HECW1: variants seen among roughly 807,000 people sequenced by gnomAD.
HECW1 encodes the protein HECT, C2 and WW domain containing E3 ubiquitin protein ligase 1.
A neutral mutation model predicts 182.3 loss-of-function variants in HECW1; 61 were observed. The ratio of observed to expected loss-of-function variants is 0.33; its 90% CI spans 0.27 to 0.41. The LOEUF (loss-of-function observed/expected upper bound fraction) is 0.41. HECW1 is among the 10% of genes least tolerant of loss of function. The pLI is 1.00. For synonymous variants in HECW1, 859 were observed against 832.6 expected (o/e 1.03, Z -0.55); for missense variants, 1,739 against 2,108.9 (o/e 0.82, Z 3.44).
intron 2 of HECW1, among the ~76,000 whole-genome samples, chr7:43,183,235 C>T (rs1203546700): frequency 6.6e-6 from 1 of 152,138 alleles, no homozygotes; most frequent in Admixed American, 6.5e-5. Context: ...GTCTCATAAA[C>T]CTTTCCCCTG....
chr7:43,265,664 A>G (rs1251173539), intron 3 of HECW1, among the ~76,000 whole-genome samples: 1 of 152,184 alleles, frequency 6.6e-6, no homozygotes, highest in African/African-American at 2.4e-5. Flanking sequence ...TGGGTATCCA[A>G]CAATTCAAAT....
intron 3 of HECW1, among the ~76,000 whole-genome samples, chr7:43,258,992 A>G (rs1299486743): frequency 1.3e-5 from 2 of 152,102 alleles, no homozygotes; most frequent in East Asian, 3.9e-4. Flanking sequence ...AATATGAATG[A>G]TCTCTTTTAC....
chr7:43,393,527 A>AT (rs2075119260), intron 6 of HECW1, among the ~76,000 whole-genome samples: 1 of 152,150 alleles, frequency 6.6e-6, no homozygotes, highest in Admixed American at 6.5e-5. Flanking sequence ...CATTCCCTCC[A>AT]TTTTTGTATC....
chr7:43,368,517 A>C (rs777304433), intron 6 of HECW1, among the ~76,000 whole-genome samples: 14 of 152,238 alleles, frequency 9.2e-5, no homozygotes, highest in Non-Finnish European at 1.3e-4. Context: ...GCAAGGCATC[A>C]GGTGGACTTG....
rs764819634 is a variant in HECW1 at position 43,360,968 on chromosome 7, C to T, written c.543C>T (p.Asn181=). The T allele has an allele frequency of 4.3e-6, 7 of 1,610,040 alleles. No homozygotes were observed. The highest frequency in any genetic ancestry group is 5.1e-6 in the Non-Finnish European group (6 of 1,177,786). The change falls in exon 6 of 30, where the codon AAC becomes AAT. Residue 181 remains asparagine (N), a synonymous_variant. Coordinates refer to ENST00000395891, the MANE Select transcript of HECW1 (RefSeq NM_015052.5). ...RATTPSVTVK[N]SAAPIFKSIG... is the part of the protein sequence containing the mutation. ...CCACCCCCAGTGTCACGGTCAAAAA[C>T]TCGGCAGCTCCTGTAAGTCTCATTT... is the stretch of plus-strand genomic sequence containing the variant.
chr7:43,541,110 T>C, intron 24 of HECW1, 53 bp from the exon 25 acceptor site: 7 of 1,375,766 alleles, frequency 5.1e-6, no homozygotes, highest in Non-Finnish European at 6.2e-6. Context: ...AACTAAAATA[T>C]TTAACAATGT....
intron 21 of HECW1, among the ~76,000 whole-genome samples, chr7:43,502,397 G>A (rs1338262484): frequency 2.6e-5 from 4 of 152,134 alleles, no homozygotes; most frequent in Non-Finnish European, 5.9e-5. Context: ...TGGCTAACCC[G>A]CGTAATCCCA....
At chr7:43,182,489 G>T (rs1195118023) in intron 2 of HECW1, among the ~76,000 whole-genome samples, 1 of 152,170 alleles carries the variant, frequency 6.6e-6, no homozygotes, top group African/African-American at 2.4e-5. Flanking sequence ...TTTCTGGGCT[G>T]TCTATTTTGT....
chr7:43,317,456 A>C (rs1490515721), intron 4 of HECW1, among the ~76,000 whole-genome samples: 1 of 152,246 alleles, frequency 6.6e-6, no homozygotes. Context: ...TCCTGATTCC[A>C]GAGGCCCTGC....
intron 5 of HECW1, among the ~76,000 whole-genome samples, chr7:43,350,941 T>C (rs1204048250): frequency 6.6e-6 from 1 of 152,234 alleles, no homozygotes; most frequent in Non-Finnish European, 1.5e-5. Flanking sequence ...TTGACAAGAC[T>C]TGTTTTATCA....
intron 2 of HECW1, among the ~76,000 whole-genome samples, chr7:43,210,832 G>T (rs549356126): frequency 6.6e-6 from 1 of 152,310 alleles, no homozygotes; most frequent in Admixed American, 6.5e-5. Context: ...GTCAGTAGTG[G>T]GTCTGCAATG....
Position 43,322,770 on chromosome 7 carries a change from G to A in HECW1, c.460+2028G>A, listed in dbSNP as rs80064485. ...GTAGTGATTGTTAGACATAATACTC[G>A]AATGTGTGCACAAACCTACAATGGA... On this transcript the variant is annotated intron_variant, in intron 5 of 29. Transcript: ENST00000395891. 2.8e-4 allele frequency among the ~76,000 whole-genome samples: 43 copies of A among 152,276 alleles called. No homozygotes were observed. In the East Asian group the frequency reaches 7.5e-3, roughly 27 times the overall value.
At chr7:43,441,187 G>T (rs1407227570) in intron 9 of HECW1, among the ~76,000 whole-genome samples, 1 of 152,184 alleles carries the variant, frequency 6.6e-6, no homozygotes, top group Non-Finnish European at 1.5e-5. Flanking sequence ...AAAGTTTCAG[G>T]TTGATTGCCT....
chr7:43,183,240 C>G (rs1017348820), intron 2 of HECW1, among the ~76,000 whole-genome samples: 28 of 152,172 alleles, frequency 1.8e-4, no homozygotes, highest in African/African-American at 6.5e-4. Flanking sequence ...ATAAACCTTT[C>G]CCCTGTGAGA....
At chr7:43,239,379 A>G (rs757967630) in intron 2 of HECW1, among the ~76,000 whole-genome samples, 4 of 152,204 alleles carry the variant, frequency 2.6e-5, no homozygotes, top group Non-Finnish European at 4.4e-5. Flanking sequence ...GGAATTAACC[A>G]CATATATGGG....
At chr7:43,153,328 G>C (rs1297648140) in intron 2 of HECW1, among the ~76,000 whole-genome samples, 1 of 152,122 alleles carries the variant, frequency 6.6e-6, no homozygotes, top group Non-Finnish European at 1.5e-5. Context: ...ATGGAGATGG[G>C]CATATGTATT....
At chr7:43,277,428 G>A (rs755943961) in intron 3 of HECW1, among the ~76,000 whole-genome samples, 10 of 152,176 alleles carry the variant, frequency 6.6e-5, no homozygotes, top group East Asian at 1.9e-4. Context: ...ATGGTTTTTC[G>A]TTTCTGTCTG....
chr7:43,235,458 C>T (rs1213555106), intron 2 of HECW1, among the ~76,000 whole-genome samples: 1 of 152,060 alleles, frequency 6.6e-6, no homozygotes, highest in Non-Finnish European at 1.5e-5. Flanking sequence ...CATCCTTGGC[C>T]CAAGCCTATG....
rs774693537 is a variant in HECW1 at position 43,468,990 on chromosome 7, G to C, written c.2984G>C (p.Arg995Pro). The C allele has an allele frequency of 1.2e-6, 2 of 1,614,166 alleles. No individual in the cohort carries two copies. Among genetic ancestry groups the C allele is most frequent in the Admixed American group, 1.7e-5 (1 of 60,032 alleles). The change falls in exon 16 of 30, where the codon CGC (arginine) becomes CCC (proline). Residue 995 changes from arginine (R) to proline (P), a missense_variant. This residue lies in a region of HECW1 where 971 missense variants were observed against 1,029.1 expected (regional missense o/e 0.94). Coordinates refer to ENST00000395891, the MANE Select transcript of HECW1 (RefSeq NM_015052.5). Reference sequence around the variant, plus strand: ...ATTCTGAAAGTCCGACGGGATGCTCGCAATTTTGAACGCTACCAGCACAAC... The same window carrying C: ...ATTCTGAAAGTCCGACGGGATGCTCCCAATTTTGAACGCTACCAGCACAAC... ...HMILKVRRDA[R>P]NFERYQHNRD...
Sources: gnomAD v4.1 joint callset for allele counts (sites outside exome capture counted in the v4.1 genomes callset) on GRCh38, gnomAD v4.1.1 for gene constraint, gnomAD v4.1.1 regional missense constraint, MANE v1.5 for transcripts, NCBI Gene and HGNC (gene_info 2026-07-23, HGNC 2026-07-21) for gene names.